The following NRG3 variants were observed in gnomAD, a reference collection of about 807,000 sequenced individuals.
The protein encoded by NRG3 is pro-neuregulin-3, membrane-bound isoform.
NRG3 carries 31 observed loss-of-function variants against 66.9 expected under a neutral mutation model. That is an observed-to-expected ratio of 0.46 (90% CI 0.35 to 0.63). The LOEUF is 0.63. Ranked by LOEUF, NRG3 falls within the 20% of genes least tolerant of loss-of-function variation. NRG3 has a pLI of 0.00. For synonymous variants in NRG3, 393 were observed against 359.4 expected (o/e 1.09, Z -1.06); for missense variants, 910 against 878.9 (o/e 1.04, Z -0.45).
At chr10:81,945,572 T>C (rs573752191) in intron 1 of NRG3, among the ~76,000 whole-genome samples, 1 of 152,280 alleles carries the variant, frequency 6.6e-6, no homozygotes, top group East Asian at 1.9e-4. Context: ...AATCTTATAC[T>C]TCAAATCTTT....
intron 2 of NRG3, among the ~76,000 whole-genome samples, chr10:82,594,872 A>G (rs1352725487): frequency 6.6e-6 from 1 of 151,818 alleles, no homozygotes; most frequent in African/African-American, 2.4e-5. Flanking sequence ...CCATGGTATC[A>G]TGGTCATCGC....
intron 1 of NRG3, among the ~76,000 whole-genome samples, chr10:81,933,633 C>T (rs1009370481): frequency 6.6e-5 from 10 of 152,202 alleles, no homozygotes; most frequent in East Asian, 1.9e-4. Context: ...ATTGTTTCTA[C>T]GGTACTCTAT....
chr10:81,987,377 G>A (rs1410698872), intron 1 of NRG3, among the ~76,000 whole-genome samples: 1 of 152,298 alleles, frequency 6.6e-6, no homozygotes, highest in African/African-American at 2.4e-5. Flanking sequence ...GAGCCACCAT[G>A]CCTGGCCTAT....
At chr10:81,978,026 G>A (rs1027431481) in intron 1 of NRG3, among the ~76,000 whole-genome samples, 1 of 152,004 alleles carries the variant, frequency 6.6e-6, no homozygotes. Context: ...ATTTCTTTCT[G>A]TTGGAAACTT....
intron 1 of NRG3, among the ~76,000 whole-genome samples, chr10:81,931,601 A>C (rs1012425678): frequency 6.6e-6 from 1 of 152,116 alleles, no homozygotes; most frequent in South Asian, 2.1e-4. Flanking sequence ...TTTTACTTCT[A>C]TACCTTGAGA....
chr10:82,377,185 C>A (rs1261733624), intron 2 of NRG3, among the ~76,000 whole-genome samples: 1 of 151,990 alleles, frequency 6.6e-6, no homozygotes, highest in African/African-American at 2.4e-5. Flanking sequence ...AATGAGAAAC[C>A]AATAAAGAAT....
intron 1 of NRG3, among the ~76,000 whole-genome samples, chr10:81,995,290 A>G (rs1041088199): frequency 2.6e-5 from 4 of 152,214 alleles, no homozygotes; most frequent in African/African-American, 9.6e-5. Flanking sequence ...GGAAGGTAAC[A>G]CCAAAATGTT....
intron 1 of NRG3, among the ~76,000 whole-genome samples, chr10:82,115,076 C>A (rs1241387140): frequency 6.6e-6 from 1 of 152,098 alleles, no homozygotes; most frequent in Admixed American, 6.6e-5. Flanking sequence ...AAGACCTGAT[C>A]TTCTGAACAC....
intron 1 of NRG3, among the ~76,000 whole-genome samples, chr10:82,215,789 A>G (rs2075634669): frequency 2.0e-5 from 3 of 151,346 alleles, no homozygotes; most frequent in African/African-American, 7.3e-5. Context: ...ACTTTTTGAC[A>G]TCATGCCTTT....
chr10:82,037,840 G>T (rs192727548), intron 1 of NRG3, among the ~76,000 whole-genome samples: 1 of 152,082 alleles, frequency 6.6e-6, no homozygotes, highest in Admixed American at 6.6e-5. Context: ...GCAAACTGGG[G>T]ACATAGTGTG....
intron 2 of NRG3, among the ~76,000 whole-genome samples, chr10:82,663,338 A>C (rs2052514389): frequency 6.6e-6 from 1 of 152,228 alleles, no homozygotes; most frequent in South Asian, 2.1e-4. Flanking sequence ...TAATTGCATA[A>C]GTCAATTAGA....
rs1333486752 is a variant in NRG3 at position 82,985,612 on chromosome 10, A to G, written c.*7A>G. The G allele has an allele frequency of 2.5e-6, 4 of 1,606,516 alleles. No individual in the cohort carries two copies. The highest frequency in any genetic ancestry group is 2.2e-5 in the East Asian group (1 of 44,858). On this transcript the variant is annotated 3_prime_UTR_variant, in exon 9 of 9. Transcript: ENST00000372141. ...CTCTGCATTGACCAAGTGACTTGAG[A>G]TGTAGGAATCTGTGCATTCTATGCT...
intron 1 of NRG3, among the ~76,000 whole-genome samples, chr10:82,062,436 T>C (rs1254777148): frequency 6.6e-6 from 1 of 151,854 alleles, no homozygotes; most frequent in Non-Finnish European, 1.5e-5. Flanking sequence ...TGAAACCCCA[T>C]CTCTACTAAA....
chr10:82,360,406 A>G (rs1260183479), intron 2 of NRG3, among the ~76,000 whole-genome samples: 5 of 152,206 alleles, frequency 3.3e-5, no homozygotes, highest in African/African-American at 1.2e-4. Flanking sequence ...GCAATCAATT[A>G]TGTTTGAATT....
At chr10:82,239,398 C>T (rs766185835) in intron 1 of NRG3, among the ~76,000 whole-genome samples, 9 of 152,184 alleles carry the variant, frequency 5.9e-5, no homozygotes, top group Middle Eastern at 3.4e-3. Context: ...TCAGATGATC[C>T]GGCCGCCTTG....
chr10:82,147,898 C>G (rs1395387126), intron 1 of NRG3, among the ~76,000 whole-genome samples: 1 of 152,132 alleles, frequency 6.6e-6, no homozygotes, highest in Non-Finnish European at 1.5e-5. Context: ...CCCAAATAGG[C>G]TTTACCTATA....
chr10:82,570,244 A>T (rs1336126159), intron 2 of NRG3, among the ~76,000 whole-genome samples: 1 of 151,710 alleles, frequency 6.6e-6, no homozygotes, highest in Non-Finnish European at 1.5e-5. Context: ...TAAAGGTTAA[A>T]TTCCTTAACC....
At chr10:82,383,160 T>G (rs1321061478) in intron 2 of NRG3, among the ~76,000 whole-genome samples, 1 of 152,026 alleles carries the variant, frequency 6.6e-6, no homozygotes, top group African/African-American at 2.4e-5. Flanking sequence ...CCACCATATT[T>G]GTTTTCGGTA....
At chr10:82,447,000 T>A (rs989542885) in intron 2 of NRG3, among the ~76,000 whole-genome samples, 1 of 152,096 alleles carries the variant, frequency 6.6e-6, no homozygotes, top group African/African-American at 2.4e-5. Flanking sequence ...ATCCCTAGAA[T>A]GCCAGAAAAA....
Sources: gnomAD v4.1 joint callset for allele counts (sites outside exome capture counted in the v4.1 genomes callset) on GRCh38, gnomAD v4.1.1 for gene constraint, MANE v1.5 for transcripts, NCBI Gene and HGNC (gene_info 2026-07-23, HGNC 2026-07-21) for gene names.